TMPRSS7: variants seen among roughly 807,000 people sequenced by gnomAD.
TMPRSS7 encodes transmembrane protease serine 7.
In TMPRSS7, 81 loss-of-function variants were observed where a neutral mutation model predicts 95.6. The ratio of observed to expected loss-of-function variants is 0.85; its 90% CI spans 0.71 to 1.02. TMPRSS7 has a LOEUF of 1.02. Among genes scored for constraint, TMPRSS7 ranks in the 50% least tolerant of loss-of-function variants. The pLI is 0.00. For synonymous variants in TMPRSS7, 364 were observed against 337.8 expected, an observed-to-expected ratio of 1.08 and a Z score of -0.85; for missense variants, 945 against 955.2, an observed-to-expected ratio of 0.99 and a Z score of 0.14.
At chr3:112,050,681 C>T in exon 9 of TMPRSS7, 4 of 1,593,962 alleles carry the variant, frequency 2.5e-6, no homozygotes, top group Non-Finnish European at 3.4e-6. Flanking sequence ...AGTGTGAAAA[C>T]ACAGTGTTGG....
At chr3:112,062,035 T>G in intron 11 of TMPRSS7, 112 bp downstream of exon 11, 1 of 653,450 alleles carries the variant, frequency 1.5e-6, no homozygotes, top group Non-Finnish European at 2.2e-6. Context: ...TTTCTGCTAT[T>G]TCCTTTTACA....
chr3:112,070,528 T>C (rs1172062110), intron 13 of TMPRSS7, among the ~76,000 whole-genome samples: 1 of 152,226 alleles, frequency 6.6e-6, no homozygotes, highest in Non-Finnish European at 1.5e-5. Context: ...TGGGTGCATA[T>C]ATATTTAGGA....
exon 5 of TMPRSS7, chr3:112,045,926 A>T (rs1385871815): frequency 6.4e-7 from 1 of 1,550,402 alleles, no homozygotes; most frequent in East Asian, 2.4e-5. Context: ...GTGGACATGG[A>T]CTCTGTGGTA....
At chr3:112,037,213 G>A (rs1251519565) in intron 1 of TMPRSS7, among the ~76,000 whole-genome samples, 1 of 152,158 alleles carries the variant, frequency 6.6e-6, no homozygotes, top group African/African-American at 2.4e-5. Flanking sequence ...AAATGGGTAA[G>A]AGAAATATCG....
intron 16 of TMPRSS7, among the ~76,000 whole-genome samples, chr3:112,077,885 G>A (rs901637056): frequency 3.3e-5 from 5 of 152,266 alleles, no homozygotes; most frequent in Middle Eastern, 3.4e-3. Flanking sequence ...ATCCCCAAAC[G>A]CTAGTGCTAA....
At chr3:112,080,786 C>G (rs2073769550) in intron 17 of TMPRSS7, 128 bp from the exon 18 acceptor site, 2 of 811,024 alleles carry the variant, frequency 2.5e-6, no homozygotes, top group Middle Eastern at 2.6e-4. Flanking sequence ...TCCCAAATTA[C>G]AGAGTGATTA....
intron 9 of TMPRSS7, among the ~76,000 whole-genome samples, chr3:112,056,209 C>A (rs964639137): frequency 5.9e-5 from 9 of 152,056 alleles, no homozygotes; most frequent in African/African-American, 1.9e-4. Context: ...GCAGACTACT[C>A]CTTTTTTAAA....
chr3:112,063,492 A>T, intron 11 of TMPRSS7, 33 bp from the exon 12 acceptor site: 1 of 1,556,064 alleles, frequency 6.4e-7, no homozygotes, highest in Non-Finnish European at 8.9e-7. Flanking sequence ...TCTATCCAAG[A>T]TTTTCTATTT....
At chr3:112,068,808 C>T (rs758536819) in intron 13 of TMPRSS7, among the ~76,000 whole-genome samples, 7 of 152,110 alleles carry the variant, frequency 4.6e-5, no homozygotes, top group Admixed American at 1.3e-4. Context: ...ATCGAATACC[C>T]TTTACTTCTT....
chr3:112,069,739 C>T (rs111697619), intron 13 of TMPRSS7, among the ~76,000 whole-genome samples: 7 of 152,064 alleles, frequency 4.6e-5, no homozygotes, highest in Non-Finnish European at 8.8e-5. Context: ...ATCTTGCTAG[C>T]GGTCTATCAA....
chr3:112,063,490 A>G (rs759979842), intron 11 of TMPRSS7, 35 bp from the exon 12 acceptor site: 55 of 1,549,632 alleles, frequency 3.5e-5, no homozygotes, highest in Non-Finnish European at 4.9e-5. Flanking sequence ...GATCTATCCA[A>G]GATTTTCTAT....
At chr3:112,047,033 C>T (rs1056148763) in intron 6 of TMPRSS7, 21 bp downstream of exon 6, 7 of 701,518 alleles carry the variant, frequency 1.0e-5, no homozygotes, top group African/African-American at 3.5e-5. Flanking sequence ...TCATGTGGTT[C>T]CCCCTCCCCC....
At chr3:112,060,335 C>T (rs937584364) in intron 10 of TMPRSS7, among the ~76,000 whole-genome samples, 7 of 152,200 alleles carry the variant, frequency 4.6e-5, no homozygotes, top group South Asian at 2.1e-4. Context: ...AGCAGACAAC[C>T]GGTCTGACCA....
intron 1 of TMPRSS7, among the ~76,000 whole-genome samples, chr3:112,035,453 A>G (rs927139013): frequency 1.2e-4 from 18 of 152,212 alleles, no homozygotes; most frequent in African/African-American, 4.3e-4. Context: ...AAAAGAATGA[A>G]GGGGCCATGA....
intron 12 of TMPRSS7, 61 bp from the exon 13 acceptor site, chr3:112,066,331 A>G: frequency 6.9e-7 from 1 of 1,452,756 alleles, no homozygotes. Context: ...ACTGCTGATC[A>G]TCAGAGAACC....
Position 112,080,591 on chromosome 3 carries a change from A to ACCG in TMPRSS7, c.2362-323_2362-322insCCG, listed in dbSNP as rs397794267. Among the ~76,000 whole-genome samples, 100 of 151,994 alleles carry ACCG rather than the reference A, an allele frequency of 6.6e-4. 1 individual carries two copies. In the South Asian group the frequency reaches 0.02, roughly 31 times the overall value. The stretch of plus-strand genomic sequence containing the variant: ...TACTATTACCACCACCACCACCACC[A>ACCG]TCACCACTAGTATTACTGAGGTTTA... On this transcript the variant is annotated intron_variant, in intron 17 of 17. Coordinates refer to ENST00000452346, the Ensembl canonical transcript of TMPRSS7.
At chr3:112,063,547 A>G (rs769992992) in exon 12 of TMPRSS7, 3 of 1,613,842 alleles carry the variant, frequency 1.9e-6, no homozygotes, top group Non-Finnish European at 1.7e-6. Context: ...GATCTTTTAG[A>G]TGCTCCTCCG....
At chr3:112,051,787 T>C (rs536374332) in intron 9 of TMPRSS7, among the ~76,000 whole-genome samples, 3 of 152,264 alleles carry the variant, frequency 2.0e-5, no homozygotes, top group African/African-American at 7.2e-5. Context: ...TTTTTCTTTC[T>C]CCACCTATAA....
At chr3:112,048,441 A>G (rs2073306359) in intron 7 of TMPRSS7, among the ~76,000 whole-genome samples, 1 of 152,198 alleles carries the variant, frequency 6.6e-6, no homozygotes, top group Non-Finnish European at 1.5e-5. Context: ...TTCAGAGCAA[A>G]TTTCTGTTAT....
Sources: allele counts gnomAD v4.1 joint callset (sites outside exome capture counted in the v4.1 genomes callset), GRCh38; gene constraint gnomAD v4.1.1; transcripts MANE v1.5; gene names NCBI Gene and HGNC (gene_info 2026-07-23, HGNC 2026-07-21).